SORCS3: variants seen among roughly 807,000 people sequenced by gnomAD.
SORCS3 encodes sortilin related VPS10 domain containing receptor 3, also known as VPS10 domain-containing receptor SorCS3.
A neutral mutation model predicts 146.3 loss-of-function variants in SORCS3; 57 were observed. That is an observed-to-expected ratio of 0.39 (90% CI 0.31 to 0.49). The LOEUF (loss-of-function observed/expected upper bound fraction) is 0.49. Ranked by LOEUF, SORCS3 falls within the 20% of genes least tolerant of loss-of-function variation. The probability of loss-of-function intolerance (pLI) is 0.92; values close to 1 mark genes in which losing one functional copy is unlikely to be tolerated. For missense variants in SORCS3, 1,341 were observed against 1,575.5 expected (o/e 0.85, Z 2.52); for synonymous variants, 653 against 618.5 (o/e 1.06, Z -0.83).
At chr10:104,683,695 G>C (rs955974862) in intron 1 of SORCS3, among the ~76,000 whole-genome samples, 5 of 152,146 alleles carry the variant, frequency 3.3e-5, no homozygotes, top group African/African-American at 1.2e-4. Context: ...ATTGGCCTTA[G>C]GACTTAGAAG....
chr10:105,254,816 T>C (rs2056920612), intron 23 of SORCS3, among the ~76,000 whole-genome samples: 1 of 151,482 alleles, frequency 6.6e-6, no homozygotes, highest in Admixed American at 6.6e-5. Context: ...AAGAAGTAGT[T>C]GGGCCTCTGT....
chr10:104,773,850 A>G (rs2017278744), intron 1 of SORCS3, among the ~76,000 whole-genome samples: 1 of 152,196 alleles, frequency 6.6e-6, no homozygotes, highest in Non-Finnish European at 1.5e-5. Context: ...TGGACAGTGC[A>G]GGTCTCTGAG....
At chr10:104,842,422 G>T (rs909045926) in intron 1 of SORCS3, among the ~76,000 whole-genome samples, 5 of 152,134 alleles carry the variant, frequency 3.3e-5, no homozygotes, top group African/African-American at 1.2e-4. Context: ...TGGATCAAAA[G>T]CAAGCCTATC....
At chr10:104,814,715 CTGGG>C (rs1398465821) in intron 1 of SORCS3, among the ~76,000 whole-genome samples, 1 of 152,164 alleles carries the variant, frequency 6.6e-6, no homozygotes, top group Non-Finnish European at 1.5e-5. Flanking sequence ...TTGGGCAGGA[CTGGG>C]TCAAATTTAT....
intron 3 of SORCS3, among the ~76,000 whole-genome samples, chr10:104,922,804 G>T (rs1249650095): frequency 6.6e-6 from 1 of 152,298 alleles, no homozygotes; most frequent in East Asian, 1.9e-4. Context: ...CAGGTGAAAA[G>T]TTGGTATTTG....
At chr10:105,118,124 T>A (rs1287602845) in intron 7 of SORCS3, among the ~76,000 whole-genome samples, 2 of 152,170 alleles carry the variant, frequency 1.3e-5, no homozygotes, top group African/African-American at 4.8e-5. Context: ...TGAATTATAG[T>A]TCTCATAATC....
chr10:105,232,703 C>A (rs2056772319), intron 20 of SORCS3, among the ~76,000 whole-genome samples: 2 of 151,840 alleles, frequency 1.3e-5, no homozygotes, highest in Non-Finnish European at 2.9e-5. Flanking sequence ...TGCTGCATCC[C>A]ACAAATGTTA....
chr10:105,151,529 A>G (rs1325430407), intron 9 of SORCS3, among the ~76,000 whole-genome samples: 1 of 152,140 alleles, frequency 6.6e-6, no homozygotes, highest in African/African-American at 2.4e-5. Flanking sequence ...TAATTTTCAG[A>G]TATCAGGTAG....
At chr10:104,891,637 TTA>T (rs1424628557) in intron 2 of SORCS3, among the ~76,000 whole-genome samples, 6 of 152,190 alleles carry the variant, frequency 3.9e-5, no homozygotes, top group African/African-American at 1.4e-4. Context: ...AATTGTTGTT[TTA>T]TATGTTTTAT....
chr10:105,040,092 G>T (rs1169887046), intron 4 of SORCS3, among the ~76,000 whole-genome samples: 1 of 152,122 alleles, frequency 6.6e-6, no homozygotes, highest in Non-Finnish European at 1.5e-5. Flanking sequence ...CATGTCTTAA[G>T]TCTAAGCATC....
At chr10:105,237,945 T>A (rs2056802530) in intron 20 of SORCS3, among the ~76,000 whole-genome samples, 1 of 152,206 alleles carries the variant, frequency 6.6e-6, no homozygotes, top group South Asian at 2.1e-4. Flanking sequence ...ATCCTACTGA[T>A]AAGAGTGAAT....
chr10:105,093,525 A>G (rs570222854), intron 6 of SORCS3, among the ~76,000 whole-genome samples: 1 of 152,338 alleles, frequency 6.6e-6, no homozygotes, highest in South Asian at 2.1e-4. Flanking sequence ...TAGCCAGAAC[A>G]TATAAAGAAT....
chr10:105,040,909 G>A (rs2055333696), intron 4 of SORCS3, among the ~76,000 whole-genome samples: 1 of 151,072 alleles, frequency 6.6e-6, no homozygotes, highest in Admixed American at 6.6e-5. Flanking sequence ...TATAGTTGAT[G>A]TAGTCACTAT....
intron 2 of SORCS3, among the ~76,000 whole-genome samples, chr10:104,904,393 A>C (rs981912391): frequency 1.3e-5 from 2 of 152,190 alleles, no homozygotes; most frequent in Non-Finnish European, 2.9e-5. Flanking sequence ...CTTTAATGAT[A>C]ATTTTTATCC....
chr10:104,695,047 C>T (rs11192161), intron 1 of SORCS3, among the ~76,000 whole-genome samples: 1 of 152,140 alleles, frequency 6.6e-6, no homozygotes, highest in Admixed American at 6.5e-5. Context: ...TCCTTTGGAG[C>T]TATGAAGGAA....
At chr10:104,705,387 T>C (rs2016325260) in intron 1 of SORCS3, among the ~76,000 whole-genome samples, 1 of 152,092 alleles carries the variant, frequency 6.6e-6, no homozygotes, top group African/African-American at 2.4e-5. Flanking sequence ...CTCTAGATTC[T>C]CCCTACTCCC....
chr10:104,944,343 T>A (rs1446456807), intron 3 of SORCS3, among the ~76,000 whole-genome samples: 1 of 152,156 alleles, frequency 6.6e-6, no homozygotes, highest in Non-Finnish European at 1.5e-5. Context: ...AAATTTTGAC[T>A]ATAGAAGAAA....
chr10:104,887,964 G>T (rs1172175823), intron 2 of SORCS3, among the ~76,000 whole-genome samples: 2 of 125,064 alleles, frequency 1.6e-5, no homozygotes, highest in East Asian at 2.6e-4. Context: ...GGGGGCGGGG[G>T]GGCGGGGGCG....
chr10:104,868,669 G>A (rs916696655), intron 2 of SORCS3, among the ~76,000 whole-genome samples: 2 of 152,230 alleles, frequency 1.3e-5, no homozygotes, highest in African/African-American at 4.8e-5. Flanking sequence ...GACTATAGGA[G>A]ATAAGGGCTT....
Sources: gnomAD v4.1 joint callset for allele counts (sites outside exome capture counted in the v4.1 genomes callset) on GRCh38, gnomAD v4.1.1 for gene constraint, MANE v1.5 for transcripts, NCBI Gene and HGNC (gene_info 2026-07-23, HGNC 2026-07-21) for gene names.